Variants in CCDC102B observed in about 807,000 individuals in gnomAD.
CCDC102B encodes the protein coiled-coil domain containing 102B, also known as coiled-coil domain-containing protein 102B.
A neutral mutation model predicts 57.4 loss-of-function variants in CCDC102B; 75 were observed. The observed-to-expected ratio is 1.31, with a 90% CI of 1.08 to 1.58. The LOEUF is 1.58. Among genes scored for constraint, CCDC102B ranks in the 40% most tolerant of loss-of-function variants. The pLI, the probability that CCDC102B is intolerant of heterozygous loss-of-function variation, is 0.00. For synonymous variants in CCDC102B, 206 were observed against 201.9 expected, an observed-to-expected ratio of 1.02 and a Z score of -0.17; for missense variants, 636 against 582.6, an observed-to-expected ratio of 1.09 and a Z score of -0.94.
chr18:69,034,401 G>T (rs1599877370), intron 7 of CCDC102B, among the ~76,000 whole-genome samples: 1 of 151,894 alleles, frequency 6.6e-6, no homozygotes, highest in South Asian at 2.1e-4. Context: ...GGTATAAAGT[G>T]CAGGTTCAAC....
At chr18:68,768,657 ATATG>A (rs2034543588) in intron 2 of CCDC102B, among the ~76,000 whole-genome samples, 1 of 152,104 alleles carries the variant, frequency 6.6e-6, no homozygotes, top group African/African-American at 2.4e-5. Context: ...TGTAAATTAA[ATATG>A]TATGAGCAAA....
chr18:69,045,692 A>G (rs1223087676), intron 7 of CCDC102B, among the ~76,000 whole-genome samples: 4 of 152,048 alleles, frequency 2.6e-5, no homozygotes, highest in African/African-American at 9.7e-5. Flanking sequence ...AGATTACTTC[A>G]TCACCCAGAT....
rs80177595 is a variant in CCDC102B, at chr18:68,748,897, G to A, written c.-67+32303G>A. On this transcript the variant is annotated intron_variant, in intron 2 of 3. Transcript: ENST00000578970. Reference sequence around the variant, plus strand: ...GGGAAATGGAATAAGAATGGGACATGCATGGTTTTAGGTCTAACATTTAAG... The same window carrying A: ...GGGAAATGGAATAAGAATGGGACATACATGGTTTTAGGTCTAACATTTAAG... Among the ~76,000 whole-genome samples, 89 of 152,064 alleles carry A rather than the reference G, an allele frequency of 5.9e-4. 1 individual carries two copies. Among genetic ancestry groups the A allele is most frequent in the African/African-American group, 2.1e-3 (86 of 41,554 alleles).
intron 4 of CCDC102B, 98 bp from the exon 5 acceptor site, chr18:68,874,571 G>A: frequency 2.8e-6 from 2 of 706,362 alleles, no homozygotes; most frequent in South Asian, 1.9e-5. Flanking sequence ...TAGGAAAAAG[G>A]CAAAACAACA....
chr18:69,018,345 C>A (rs958448478), intron 7 of CCDC102B, among the ~76,000 whole-genome samples: 1 of 152,092 alleles, frequency 6.6e-6, no homozygotes. Flanking sequence ...TTTTGGGGAA[C>A]CCTCATACTG....
chr18:68,995,240 C>CTT (rs1424955171), intron 6 of CCDC102B, among the ~76,000 whole-genome samples: 3 of 152,080 alleles, frequency 2.0e-5, no homozygotes, highest in Non-Finnish European at 4.4e-5. Flanking sequence ...AATTTGCAGC[C>CTT]TGACAATGCT....
chr18:68,999,012 A>ACT (rs2051124820), intron 6 of CCDC102B, among the ~76,000 whole-genome samples: 1 of 122,406 alleles, frequency 8.2e-6, no homozygotes. Flanking sequence ...AGAGAGAGAG[A>ACT]GAGAGAGAGA....
intron 6 of CCDC102B, among the ~76,000 whole-genome samples, chr18:68,960,202 C>T (rs1025007786): frequency 6.6e-6 from 1 of 152,138 alleles, no homozygotes; most frequent in African/African-American, 2.4e-5. Context: ...CTTTAGTCAG[C>T]ATGCAATGAA....
At chr18:68,991,380 A>T (rs373431104) in intron 6 of CCDC102B, among the ~76,000 whole-genome samples, 3 of 152,226 alleles carry the variant, frequency 2.0e-5, no homozygotes, top group Non-Finnish European at 2.9e-5. Context: ...TTTTCCCTGA[A>T]CATTTGTAAC....
chr18:69,036,516 T>C (rs2052296369), intron 7 of CCDC102B, among the ~76,000 whole-genome samples: 1 of 152,132 alleles, frequency 6.6e-6, no homozygotes, highest in Non-Finnish European at 1.5e-5. Flanking sequence ...AAATTATTTA[T>C]ATAGAAATTT....
intron 6 of CCDC102B, among the ~76,000 whole-genome samples, chr18:68,927,165 A>C (rs1290768353): frequency 6.6e-6 from 1 of 151,966 alleles, no homozygotes. Flanking sequence ...TCAGATGTAG[A>C]TGTAGATGGG....
chr18:68,846,716 A>C (rs1324699139), intron 4 of CCDC102B, among the ~76,000 whole-genome samples: 1 of 151,958 alleles, frequency 6.6e-6, no homozygotes, highest in Non-Finnish European at 1.5e-5. Flanking sequence ...TTTGATATCC[A>C]TATTGATAGT....
intron 2 of CCDC102B, among the ~76,000 whole-genome samples, chr18:68,785,600 G>T (rs2035176275): frequency 6.6e-6 from 1 of 150,574 alleles, no homozygotes; most frequent in African/African-American, 2.4e-5. Flanking sequence ...ATTTTTTCAT[G>T]TGTTTTTTGG....
chr18:68,913,493 A>G (rs534959866), intron 6 of CCDC102B, among the ~76,000 whole-genome samples: 75 of 152,088 alleles, frequency 4.9e-4, no homozygotes, highest in Non-Finnish European at 8.4e-4. Context: ...CTAAAAACAC[A>G]CAAATTAGCC....
chr18:69,037,932 T>A (rs1007167506), intron 7 of CCDC102B, among the ~76,000 whole-genome samples: 2 of 152,094 alleles, frequency 1.3e-5, no homozygotes, highest in Admixed American at 6.6e-5. Flanking sequence ...AAAGCCTTGA[T>A]CACACCTCAG....
chr18:69,032,763 G>T (rs1387778588), intron 7 of CCDC102B, among the ~76,000 whole-genome samples: 30 of 152,008 alleles, frequency 2.0e-4, no homozygotes, highest in Admixed American at 2.0e-3. Context: ...TTCTGCAGTT[G>T]CTATAGTACT....
chr18:68,784,272 G>C (rs1599454721), intron 2 of CCDC102B, among the ~76,000 whole-genome samples: 1 of 151,926 alleles, frequency 6.6e-6, no homozygotes, highest in Middle Eastern at 3.4e-3. Context: ...GAAGGCAAAG[G>C]GTGAGTGAGG....
intron 4 of CCDC102B, among the ~76,000 whole-genome samples, chr18:68,853,993 T>G (rs184355942): frequency 1.0e-3 from 158 of 152,340 alleles, no homozygotes; most frequent in African/African-American, 3.7e-3. Context: ...GGAATTGTAC[T>G]TCTTCCCCTT....
chr18:69,001,068 C>A (rs1343020384), intron 6 of CCDC102B, among the ~76,000 whole-genome samples: 2 of 152,118 alleles, frequency 1.3e-5, no homozygotes, highest in Non-Finnish European at 2.9e-5. Flanking sequence ...GCAGTTCAGG[C>A]CCCTCTCAAT....
Sources: gnomAD v4.1 joint callset for allele counts (sites outside exome capture counted in the v4.1 genomes callset) on GRCh38, gnomAD v4.1.1 for gene constraint, MANE v1.5 for transcripts, NCBI Gene and HGNC (gene_info 2026-07-23, HGNC 2026-07-21) for gene names.